CACNB4: variants seen among roughly 807,000 people sequenced by gnomAD.
CACNB4 encodes the protein calcium voltage-gated channel auxiliary subunit beta 4, also known as voltage-dependent L-type calcium channel subunit beta-4.
Under a neutral mutation model 71.2 loss-of-function variants are expected in CACNB4, and 32 were observed. The ratio of observed to expected loss-of-function variants is 0.45; its 90% confidence interval spans 0.34 to 0.60. The LOEUF is 0.60. Among genes scored for constraint, CACNB4 ranks in the 20% least tolerant of loss-of-function variants. The pLI, the probability that CACNB4 is intolerant of heterozygous loss-of-function variation, is 0.01. For missense variants in CACNB4, 464 were observed against 647.9 expected (o/e 0.72, Z 3.08); for synonymous variants, 231 against 236.9 (o/e 0.97, Z 0.23).
chr2:152,089,888 C>T (rs1438186279), intron 2 of CACNB4, among the ~76,000 whole-genome samples: 1 of 152,052 alleles, frequency 6.6e-6, no homozygotes, highest in Non-Finnish European at 1.5e-5. Flanking sequence ...CTGCAGGGAA[C>T]ACGACCCTGT....
chr2:152,031,026 G>C (rs571871478), intron 2 of CACNB4, among the ~76,000 whole-genome samples: 4 of 152,250 alleles, frequency 2.6e-5, no homozygotes, highest in African/African-American at 9.6e-5. Flanking sequence ...CAGGAGAAAG[G>C]GTACTTGGGG....
At chr2:151,968,849 C>G (rs1313359565) in intron 2 of CACNB4, 1 of 152,160 alleles carries the variant, frequency 6.6e-6, no homozygotes, top group African/African-American at 2.4e-5. Context: ...GAGGATTGAT[C>G]CGAATTCTTG....
At chr2:151,922,897 T>G (rs574863486) in intron 2 of CACNB4, among the ~76,000 whole-genome samples, 34 of 152,350 alleles carry the variant, frequency 2.2e-4, no homozygotes, top group Admixed American at 7.2e-4. Context: ...CGTTTGTTGA[T>G]TTTGCCTACT....
At position 151,834,453 on chromosome 2, in the gene CACNB4, A is replaced by G. The variant is rs1028282429; in HGVS notation, c.*4666T>C. On this transcript the variant is annotated 3_prime_UTR_variant, in exon 14 of 14. Transcript: ENST00000539935. ...TGATGAGATACTTTCTAGTCTTCTC[A>G]TAATGTCCCTCAATTACATGAAGCA... 6.6e-6 allele frequency: 1 copy of G among 151,992 alleles called. No homozygotes were observed. The highest frequency in any genetic ancestry group is 1.5e-5 in the Non-Finnish European group (1 of 67,848). 9.4% of individuals were successfully genotyped at this position (151,992 alleles called of 1,614,324 possible).
In CACNB4 at chr2:151,837,858, A is replaced by G. The variant is rs1184397994; in HGVS notation, c.*1261T>C. On this transcript the variant is annotated 3_prime_UTR_variant, in exon 14 of 14. Coordinates refer to ENST00000539935, the MANE Select transcript of CACNB4 (RefSeq NM_000726.5). Reference sequence around the variant, plus strand: ...AAAATGCTATAATTTTAGTCAACAAATATTTGCTGAATCTATGAGTTTATT... The same window carrying G: ...AAAATGCTATAATTTTAGTCAACAAGTATTTGCTGAATCTATGAGTTTATT... 2 of 152,164 alleles carry G rather than the reference A, an allele frequency of 1.3e-5. No homozygotes were observed. Among genetic ancestry groups the G allele is most frequent in the Admixed American group, 1.3e-4 (2 of 15,270 alleles). The allele number at this position is 152,164 out of a possible 1,614,324, so 9.4% of individuals were successfully genotyped here.
intron 2 of CACNB4, among the ~76,000 whole-genome samples, chr2:152,049,481 G>A (rs540426063): frequency 1.6e-3 from 243 of 152,192 alleles, no homozygotes; most frequent in African/African-American, 5.6e-3. Context: ...TTTCACAACC[G>A]TATTTCTCCT....
intron 2 of CACNB4, among the ~76,000 whole-genome samples, chr2:151,922,106 T>C (rs1225068113): frequency 6.6e-6 from 1 of 152,208 alleles, no homozygotes; most frequent in Non-Finnish European, 1.5e-5. Flanking sequence ...TGCCTCCCTC[T>C]TCCACTCACA....
intron 12 of CACNB4, chr2:151,851,401 T>A (rs767654639): frequency 3.3e-5 from 5 of 152,190 alleles, no homozygotes; most frequent in Non-Finnish European, 7.3e-5. Flanking sequence ...CAGGTTATCT[T>A]ACCAATTATA....
intron 2 of CACNB4, chr2:151,967,553 G>C (rs1424879663): frequency 6.6e-6 from 1 of 152,116 alleles, no homozygotes; most frequent in African/African-American, 2.4e-5. Flanking sequence ...TTTCAACAAA[G>C]CTGCCAATAG....
At chr2:152,055,187 T>A (rs145701236) in intron 2 of CACNB4, among the ~76,000 whole-genome samples, 2,511 of 152,224 alleles carry the variant, frequency 0.016, 73 homozygotes, top group African/African-American at 0.057. Context: ...AATTTTTGTA[T>A]TTTTAGTAGA....
At chr2:152,074,204 C>A (rs1190855355) in intron 2 of CACNB4, among the ~76,000 whole-genome samples, 1 of 152,032 alleles carries the variant, frequency 6.6e-6, no homozygotes, top group African/African-American at 2.4e-5. Flanking sequence ...ACCACCATCA[C>A]CACCACCATC....
intron 2 of CACNB4, among the ~76,000 whole-genome samples, chr2:151,983,393 T>G (rs527614945): frequency 6.6e-6 from 1 of 152,296 alleles, no homozygotes; most frequent in Admixed American, 6.5e-5. Context: ...GGAAAATTAG[T>G]TGGAGCACTA....
At chr2:151,944,514 G>A (rs1468992530) in intron 2 of CACNB4, among the ~76,000 whole-genome samples, 3 of 152,132 alleles carry the variant, frequency 2.0e-5, no homozygotes, top group Non-Finnish European at 2.9e-5. Context: ...ACTGAAGGCC[G>A]GGTGTGGTGG....
At chr2:152,038,279 A>G (rs1684697947) in intron 2 of CACNB4, among the ~76,000 whole-genome samples, 1 of 152,208 alleles carries the variant, frequency 6.6e-6, no homozygotes, top group East Asian at 1.9e-4. Flanking sequence ...CTCACACCAG[A>G]GTGTGCACAA....
chr2:151,983,706 C>G (rs199881346), intron 2 of CACNB4, among the ~76,000 whole-genome samples: 1 of 149,864 alleles, frequency 6.7e-6, no homozygotes, highest in East Asian at 1.9e-4. Flanking sequence ...CACACACACA[C>G]ACACACAGGG....
chr2:151,865,764 T>G (rs2099842918), intron 9 of CACNB4: 1 of 93,974 alleles, frequency 1.1e-5, no homozygotes, highest in South Asian at 4.7e-4. Context: ...TATTGTGTTT[T>G]TCTTTTTCTT....
chr2:152,003,558 C>CAG lies in CACNB4; in HGVS notation c.147+94771_147+94772insCT, dbSNP rs201570796. Among the ~76,000 whole-genome samples, 700 of 152,160 alleles carry CAG rather than the reference C, an allele frequency of 4.6e-3. 8 individuals are homozygous for CAG. The highest frequency in any genetic ancestry group is 0.016 in the African/African-American group (672 of 41,516). Reference sequence around the variant, plus strand: ...GACCTCCTCTCCAAAAGAAAGGAGACACATTTCAGTGAAAGCTTTAAGGTT... The same window carrying CAG: ...GACCTCCTCTCCAAAAGAAAGGAGACAGACATTTCAGTGAAAGCTTTAAGGTT... On this transcript the variant is annotated intron_variant, in intron 2 of 13. Coordinates refer to ENST00000539935, the MANE Select transcript of CACNB4 (RefSeq NM_000726.5).
At chr2:151,880,629 C>G (rs775814072) in intron 4 of CACNB4, 171 bp downstream of exon 4, 1 of 663,810 alleles carries the variant, frequency 1.5e-6, no homozygotes, top group Non-Finnish European at 2.6e-6. Flanking sequence ...AAGCAATGAT[C>G]TCAGACTTCT....
intron 2 of CACNB4, among the ~76,000 whole-genome samples, chr2:151,979,682 G>A (rs1470558140): frequency 6.6e-6 from 1 of 152,172 alleles, no homozygotes. Flanking sequence ...CACTACTGGA[G>A]AGACTGGAAT....
Sources: gnomAD v4.1 joint callset for allele counts (sites outside exome capture counted in the v4.1 genomes callset) on GRCh38, gnomAD v4.1.1 for gene constraint, MANE v1.5 for transcripts, NCBI Gene and HGNC (gene_info 2026-07-23, HGNC 2026-07-21) for gene names.